The following AMOTL1 variants were observed in gnomAD, a reference collection of about 807,000 sequenced individuals.
AMOTL1 encodes angiomotin like 1.
Under a neutral mutation model 102.9 loss-of-function variants are expected in AMOTL1, and 45 were observed. The ratio of observed to expected loss-of-function variants is 0.44; its 90% CI spans 0.34 to 0.56. The LOEUF (loss-of-function observed/expected upper bound fraction) is 0.56, where lower values mean the gene tolerates loss of function less well. AMOTL1 is among the 20% of genes least tolerant of loss of function. The pLI, the probability that AMOTL1 is intolerant of heterozygous loss-of-function variation, is 0.01. For missense variants in AMOTL1, 1,114 were observed against 1,225.6 expected, an observed-to-expected ratio of 0.91 and a Z score of 1.36; for synonymous variants, 481 against 484.7, an observed-to-expected ratio of 0.99 and a Z score of 0.10.
chr11:94,869,273 C>G lies in AMOTL1; in HGVS notation c.2564C>G (p.Ser855Cys). The G allele has an allele frequency of 6.2e-7, 1 of 1,612,922 alleles. No homozygotes were observed. The highest frequency in any genetic ancestry group is 8.5e-7 in the Non-Finnish European group (1 of 1,179,480). ...CCACCCCCACCCACCTCAGCACTGTCCTCCATAGCCTCCACTACGGCAGCC... is the reference window on the plus strand; with the variant it reads ...CCACCCCCACCCACCTCAGCACTGTGCTCCATAGCCTCCACTACGGCAGCC... ...LLPPPPTSAL[S>C]SIASTTAASS... Residue 855 changes from serine to cysteine, a missense_variant, in exon 12 of 13, where the codon TCC becomes TGC. Physicochemically the swap from Ser to Cys is moderately radical, Grantham distance 112 (BLOSUM62 -1). Coordinates refer to ENST00000433060, the MANE Select transcript of AMOTL1 (RefSeq NM_130847.3).
At position 94,831,334 on chromosome 11, in the gene AMOTL1, TG is replaced by T. The variant is rs1952066657; in HGVS notation, c.1559-115del. On this transcript the variant is annotated intron_variant, in intron 5 of 12. Coordinates refer to ENST00000433060, the MANE Select transcript of AMOTL1 (RefSeq NM_130847.3). ...TGTCTGTCCCCAAGTTGTTCAGTTT[TG>T]GGCTCCTGCCTGAGCATCTCTTCCT... 15 of 730,264 alleles carry T rather than the reference TG, an allele frequency of 2.1e-5. 1 individual carries two copies. In the East Asian group the frequency reaches 4.0e-4, roughly 20 times the overall value. The allele number at this position is 730,264 out of a possible 1,614,324, so 45.2% of individuals were successfully genotyped here.
chr11:94,817,248 G>T (rs4486590), intron 3 of AMOTL1, among the ~76,000 whole-genome samples: 152,182 of 152,200 alleles, frequency 1, 76,082 homozygotes, highest in Non-Finnish European at 1. Flanking sequence ...GTTATCATTT[G>T]GGCTAAATGA....
At chr11:94,774,550 G>A (rs1286195463) in intron 1 of AMOTL1, among the ~76,000 whole-genome samples, 1 of 152,164 alleles carries the variant, frequency 6.6e-6, no homozygotes, top group East Asian at 1.9e-4. Context: ...GAAATTAATT[G>A]GGTCTTAGAT....
Position 94,837,713 on chromosome 11 carries a change from T to C in AMOTL1, c.1648+6172T>C, listed in dbSNP as rs1372971030. Among the ~76,000 whole-genome samples the C allele has an allele frequency of 2.0e-5, 3 of 152,234 alleles. No individual in the cohort carries two copies. The East Asian group carries it at 5.8e-4, about 29-fold the overall frequency. ...GCTCTGATTTGCCATGCTTAAAGAA[T>C]GGAGCTGATTGAAGAAGTGCCTATT... On this transcript the variant is annotated intron_variant, in intron 6 of 12. Transcript: ENST00000433060.
intron 9 of AMOTL1, among the ~76,000 whole-genome samples, chr11:94,860,579 G>T (rs1028619607): frequency 6.6e-6 from 1 of 152,168 alleles, no homozygotes; most frequent in Non-Finnish European, 1.5e-5. Flanking sequence ...CTGCACACAC[G>T]TGGGGTGGCT....
At chr11:94,717,402 A>G (rs190791925) in intron 1 of AMOTL1, among the ~76,000 whole-genome samples, 3 of 150,430 alleles carry the variant, frequency 2.0e-5, no homozygotes, top group East Asian at 3.9e-4. Flanking sequence ...TTATTAAAGT[A>G]TGGGTACAAA....
rs1245707413 is a variant in AMOTL1 at position 94,791,139 on chromosome 11, A to C, written c.50-3872A>C. Among the ~76,000 whole-genome samples the C allele has an allele frequency of 2.0e-5, 3 of 152,222 alleles. No individual in the cohort carries two copies. In the East Asian group the frequency reaches 5.8e-4, roughly 29 times the overall value. ...AAGCCAAAAAAGCAGTCATGCTCAAAGAGAGAGAAGCAAAGGAGTTTTCAT... is the reference window on the plus strand; with the variant it reads ...AAGCCAAAAAAGCAGTCATGCTCAACGAGAGAGAAGCAAAGGAGTTTTCAT... On this transcript the variant is annotated intron_variant, in intron 1 of 12. Transcript: ENST00000433060.
chr11:94,779,748 T>C (rs568705479), intron 1 of AMOTL1, among the ~76,000 whole-genome samples: 9 of 152,212 alleles, frequency 5.9e-5, no homozygotes, highest in Non-Finnish European at 1.2e-4. Context: ...CAAATAATTA[T>C]TGTAAATCCA....
chr11:94,768,363 G>A lies in AMOTL1; in HGVS notation c.-149G>A. ...AGCGCGGACGGCGGCGGGAGCGCGC[G>A]AGAAGCTCTAGGACCCAGCAGCGGT... On this transcript the variant is annotated 5_prime_UTR_variant, in exon 1 of 13. Coordinates refer to ENST00000433060, the MANE Select transcript of AMOTL1 (RefSeq NM_130847.3). 1 of 1,384,812 alleles carries A rather than the reference G, an allele frequency of 7.2e-7. No homozygotes were observed. The allele number at this position is 1,384,812 out of a possible 1,614,324, so 85.8% of individuals were successfully genotyped here.
Position 94,870,644 on chromosome 11 carries a change from C to G in AMOTL1, c.2765-45C>G. ...TTTAGAGAACCTGGAAAGCCTATGCCCCTCCTGAGGAATGGGCAGCTGATG... is the reference window on the plus strand; with the variant it reads ...TTTAGAGAACCTGGAAAGCCTATGCGCCTCCTGAGGAATGGGCAGCTGATG... On this transcript the variant is annotated intron_variant, in intron 12 of 12. Transcript: ENST00000433060. 4 of 1,489,460 alleles carry G rather than the reference C, an allele frequency of 2.7e-6. No homozygotes were observed. The South Asian group carries it at 4.9e-5, about 18-fold the overall frequency. 92.3% of individuals were successfully genotyped at this position (1,489,460 alleles called of 1,614,324 possible).
At chr11:94,747,304 A>G (rs1950600801) in intron 3 of AMOTL1, among the ~76,000 whole-genome samples, 1 of 152,058 alleles carries the variant, frequency 6.6e-6, no homozygotes, top group Non-Finnish European at 1.5e-5. Flanking sequence ...GCATGCCTCA[A>G]GGAGCTCAGT....
chr11:94,869,193 C>T lies in AMOTL1; in HGVS notation c.2489-5C>T. On this transcript the variant is annotated splice_region_variant and splice_polypyrimidine_tract_variant and intron_variant, in intron 11 of 12. Coordinates refer to ENST00000433060, the MANE Select transcript of AMOTL1 (RefSeq NM_130847.3). ...AATGTTGAAAAATCTGTTCTCTGCC[C>T]TCAGGATTGCTGCTGGGGAAGGAGC... 6.3e-7 allele frequency: 1 copy of T among 1,583,108 alleles called. No homozygotes were observed. The highest frequency in any genetic ancestry group is 8.6e-7 in the Non-Finnish European group (1 of 1,159,492).
intron 6 of AMOTL1, among the ~76,000 whole-genome samples, chr11:94,849,444 A>G (rs1011010140): frequency 6.6e-6 from 1 of 152,214 alleles, no homozygotes; most frequent in Non-Finnish European, 1.5e-5. Context: ...GGTAACTAAG[A>G]GCATACCAGC....
At chr11:94,811,277 G>T (rs1951677008) in intron 3 of AMOTL1, among the ~76,000 whole-genome samples, 2 of 152,154 alleles carry the variant, frequency 1.3e-5, no homozygotes, top group African/African-American at 2.4e-5. Context: ...TGGAATGGCT[G>T]AGGTCAGGGG....
intron 9 of AMOTL1, among the ~76,000 whole-genome samples, chr11:94,860,721 C>T (rs577546360): frequency 6.6e-6 from 1 of 152,266 alleles, no homozygotes; most frequent in South Asian, 2.1e-4. Context: ...AAAGGATCCT[C>T]AAATTTCAAA....
chr11:94,837,003 A>T (rs1952198009), intron 6 of AMOTL1, among the ~76,000 whole-genome samples: 1 of 152,212 alleles, frequency 6.6e-6, no homozygotes, highest in South Asian at 2.1e-4. Context: ...GACACTGCAG[A>T]TCTACACCAT....
chr11:94,774,085 A>G (rs775906262), intron 1 of AMOTL1, among the ~76,000 whole-genome samples: 1 of 152,212 alleles, frequency 6.6e-6, no homozygotes, highest in Non-Finnish European at 1.5e-5. Flanking sequence ...GCATTCAATA[A>G]ATACCTGCTA....
At chr11:94,796,895 T>C (rs1034016594) in intron 2 of AMOTL1, 6 of 581,190 alleles carry the variant, frequency 1.0e-5, no homozygotes, top group Non-Finnish European at 1.3e-5. Context: ...GATGTATTAA[T>C]ATACATATAT....
At position 94,821,450 on chromosome 11, in the gene AMOTL1, C is replaced by T. The variant is rs549819247; in HGVS notation, c.1122-80C>T. 507 of 1,432,678 alleles carry T rather than the reference C, an allele frequency of 3.5e-4. 2 individuals carry two copies. In the African/African-American group the frequency reaches 6.7e-3, roughly 19 times the overall value. 88.7% of individuals were successfully genotyped at this position (1,432,678 alleles called of 1,614,324 possible). ...GGCCTCTGACCATGGAAGCCATCAA[C>T]AGTGCCAGTATTGTTGGGGCTTCCT... On this transcript the variant is annotated intron_variant, in intron 3 of 12. Transcript: ENST00000433060.
Sources: allele counts gnomAD v4.1 joint callset (sites outside exome capture counted in the v4.1 genomes callset), GRCh38; gene constraint gnomAD v4.1.1; transcripts MANE v1.5; gene names NCBI Gene and HGNC (gene_info 2026-07-23, HGNC 2026-07-21).